H1-8: variants seen among roughly 807,000 people sequenced by gnomAD.
The protein encoded by H1-8 is H1.8 linker histone.
A neutral mutation model predicts 19.5 loss-of-function variants in H1-8; 13 were observed. The ratio of observed to expected loss-of-function variants is 0.67; its 90% CI spans 0.43 to 1.06. The LOEUF is 1.06. H1-8 is among the 50% of genes least tolerant of loss of function. The pLI is 0.00. For missense variants in H1-8, 432 were observed against 459.8 expected, an observed-to-expected ratio of 0.94 and a Z score of 0.55; for synonymous variants, 193 against 187.6, an observed-to-expected ratio of 1.03 and a Z score of -0.24.
At chr3:129,545,528 C>T (rs2084880934) in intron 1 of H1-8, among the ~76,000 whole-genome samples, 2 of 152,156 alleles carry the variant, frequency 1.3e-5, no homozygotes, top group Admixed American at 6.6e-5. Flanking sequence ...GTATCCATCT[C>T]TATAATCAAT....
chr3:129,544,679 G>C (rs749281), intron 1 of H1-8, among the ~76,000 whole-genome samples: 16,337 of 151,950 alleles, frequency 0.11, 1,336 homozygotes, highest in African/African-American at 0.23. Flanking sequence ...GACTCCTGGG[G>C]GTGGCTCTCT....
intron 2 of H1-8, chr3:129,548,580 T>C (rs1560051992): frequency 1.8e-5 from 15 of 831,116 alleles, no homozygotes; most frequent in East Asian, 2.4e-4. Flanking sequence ...CCTTGGTGAT[T>C]GTCCTGCTGT....
At chr3:129,546,947 C>T (rs942042005) in intron 1 of H1-8, among the ~76,000 whole-genome samples, 2 of 152,202 alleles carry the variant, frequency 1.3e-5, no homozygotes, top group African/African-American at 4.8e-5. Context: ...AGCCTGTAAT[C>T]CCAGCACTTT....
At chr3:129,543,527 A>G (rs2084866997) in intron 1 of H1-8, among the ~76,000 whole-genome samples, 1 of 152,092 alleles carries the variant, frequency 6.6e-6, no homozygotes, top group Non-Finnish European at 1.5e-5. Context: ...TAGCAAGGCC[A>G]GGTAGGGCCT....
intron 1 of H1-8, among the ~76,000 whole-genome samples, chr3:129,544,650 G>A (rs2084875194): frequency 6.6e-6 from 1 of 152,036 alleles, no homozygotes; most frequent in South Asian, 2.1e-4. Context: ...TGGGATGAGA[G>A]GGAACAGACC....
At position 129,551,274 on chromosome 3, in the gene H1-8, T is replaced by G. The variant is rs34517542; in HGVS notation, c.975T>G (p.Pro325=). 4,535 of 1,614,064 alleles carry G rather than the reference T, an allele frequency of 2.8e-3. 97 individuals carry two copies. In the African/African-American group the frequency reaches 0.047, roughly 17 times the overall value. ...LSRKTEAPKG[P]RKAGLPIKAS... is the part of the protein sequence containing the mutation. ...GGAAGACAGAGGCCCCCAAGGGCCC[T>G]AGAAAGGCTGGGCTGCCCATCAAGG... The change falls in exon 5 of 5, where the codon CCT becomes CCG. Residue 325 remains proline, a synonymous_variant. Coordinates refer to ENST00000324382, the MANE Select transcript of H1-8 (RefSeq NM_153833.3).
intron 2 of H1-8, 48 bp from the exon 3 acceptor site, chr3:129,548,953 G>A: frequency 1.9e-6 from 3 of 1,542,318 alleles, no homozygotes; most frequent in Non-Finnish European, 2.6e-6. Context: ...TGGGGGGCGT[G>A]AGGCACCTGA....
chr3:129,544,328 T>C (rs2084872488), intron 1 of H1-8, among the ~76,000 whole-genome samples: 1 of 148,482 alleles, frequency 6.7e-6, no homozygotes, highest in East Asian at 2.0e-4. Context: ...AGCAGGGAGG[T>C]GAGGGGTGTG....
chr3:129,550,701 G>C, intron 3 of H1-8, 44 bp from the exon 4 acceptor site: 1 of 1,561,452 alleles, frequency 6.4e-7, no homozygotes, highest in Non-Finnish European at 8.8e-7. Flanking sequence ...CCCACCAGCA[G>C]TTCCTCCTTC....
intron 1 of H1-8, 66 bp from the exon 2 acceptor site, chr3:129,547,325 G>C: frequency 6.9e-7 from 1 of 1,440,430 alleles, no homozygotes; most frequent in Non-Finnish European, 9.2e-7. Flanking sequence ...ACCCCCCACG[G>C]GCCAGCTGAT....
Position 129,549,492 on chromosome 3 carries a change from AC to A in H1-8, c.742+130del. On this transcript the variant is annotated intron_variant, in intron 3 of 4. Coordinates refer to ENST00000324382, the MANE Select transcript of H1-8 (RefSeq NM_153833.3). ...GCATGTGTCCTGAGTGCTGGGCTTG[AC>A]CTGGAGAGAGAGAACTCATGGTAGC... The A allele has an allele frequency of 2.7e-6, 3 of 1,118,328 alleles. No individual in the cohort carries two copies. The South Asian group carries it at 5.0e-5, about 19-fold the overall frequency. The allele number at this position is 1,118,328 out of a possible 1,614,324, so 69.3% of individuals were successfully genotyped here.
intron 3 of H1-8, among the ~76,000 whole-genome samples, chr3:129,549,678 G>C (rs1227606865): frequency 6.6e-6 from 1 of 151,982 alleles, no homozygotes; most frequent in African/African-American, 2.4e-5. Context: ...TTTAGGCCGG[G>C]CATGGTGGCT....
chr3:129,550,106 G>A (rs2084922596), intron 3 of H1-8, among the ~76,000 whole-genome samples: 1 of 152,236 alleles, frequency 6.6e-6, no homozygotes, highest in Non-Finnish European at 1.5e-5. Context: ...CTGACAGGAA[G>A]CAGCTAGGGC....
intron 1 of H1-8, 63 bp from the exon 2 acceptor site, chr3:129,547,328 C>T: frequency 7.0e-7 from 1 of 1,438,592 alleles, no homozygotes; most frequent in Non-Finnish European, 9.2e-7. Context: ...CCCCACGGGC[C>T]AGCTGATGCC....
At chr3:129,545,468 A>G (rs1350148968) in intron 1 of H1-8, among the ~76,000 whole-genome samples, 1 of 152,190 alleles carries the variant, frequency 6.6e-6, no homozygotes, top group Non-Finnish European at 1.5e-5. Flanking sequence ...CCCATACAAT[A>G]CAATTCACCC....
At chr3:129,548,422 G>A (rs2084906301) in intron 2 of H1-8, 5 of 986,870 alleles carry the variant, frequency 5.1e-6, no homozygotes, top group Non-Finnish European at 6.0e-6. Flanking sequence ...GCAGGGAGAA[G>A]AGCCAGAGGG....
In H1-8 at chr3:129,548,986, C is replaced by T. The variant is rs771270199; in HGVS notation, c.379-15C>T. On this transcript the variant is annotated splice_polypyrimidine_tract_variant and intron_variant, in intron 2 of 4. Transcript: ENST00000324382. The stretch of plus-strand genomic sequence containing the variant: ...TGAGGCTCTGCTTTCAGCCCCACCC[C>T]GTGTCCTTCTCCAGTTAGTTCCCAA... 138 of 1,590,480 alleles carry T rather than the reference C, an allele frequency of 8.7e-5. No homozygotes were observed. In the Admixed American group the frequency reaches 1.4e-3, roughly 16 times the overall value.
Position 129,551,348 on chromosome 3 carries a change from G to A in H1-8, c.*8G>A, listed in dbSNP as rs2084931483. 1 of 1,596,868 alleles carries A rather than the reference G, an allele frequency of 6.3e-7. No homozygotes were observed. ...CAGAGGGCTGAAGCTTAGGGCCAGAGGCAGGGGCGGAGAGAGACCGAGCCT... is the reference window on the plus strand; with the variant it reads ...CAGAGGGCTGAAGCTTAGGGCCAGAAGCAGGGGCGGAGAGAGACCGAGCCT... On this transcript the variant is annotated 3_prime_UTR_variant, in exon 5 of 5. Coordinates refer to ENST00000324382, the MANE Select transcript of H1-8 (RefSeq NM_153833.3).
chr3:129,547,810 C>A, intron 2 of H1-8, 130 bp downstream of exon 2: 1 of 839,424 alleles, frequency 1.2e-6, no homozygotes, highest in Non-Finnish European at 1.8e-6. Flanking sequence ...TGGTCTCAGC[C>A]GAGATGCCCT....
Sources: gnomAD v4.1 joint callset for allele counts (sites outside exome capture counted in the v4.1 genomes callset) on GRCh38, gnomAD v4.1.1 for gene constraint, MANE v1.5 for transcripts, NCBI Gene and HGNC (gene_info 2026-07-23, HGNC 2026-07-21) for gene names.